Variants in SYNPO2L observed in about 807,000 individuals in gnomAD.
SYNPO2L encodes synaptopodin 2 like, also known as synaptopodin 2-like protein.
A neutral mutation model predicts 47.5 loss-of-function variants in SYNPO2L; 34 were observed. The ratio of observed to expected loss-of-function variants is 0.72; its 90% CI spans 0.54 to 0.95. SYNPO2L has a LOEUF of 0.95. SYNPO2L is among the 40% of genes least tolerant of loss of function. The probability of loss-of-function intolerance (pLI) is 0.00; values close to 1 mark genes in which losing one functional copy is unlikely to be tolerated. For missense variants in SYNPO2L, 1,246 were observed against 1,282.0 expected (o/e 0.97, Z 0.43); for synonymous variants, 536 against 524.9 (o/e 1.02, Z -0.29).
Position 73,647,928 on chromosome 10 carries a change from G to A in SYNPO2L, c.1724C>T (p.Ala575Val). ...GAAGATAGAAGCGGTGGAGGTCATG[G>A]CAGCTGCGCTAGGAGGAGCGGGGGG... is the stretch of plus-strand genomic sequence containing the variant. ...PEPPAPPSAA[A>V]MTSTASIFLS... Residue 575 changes from alanine to valine, a missense_variant, in exon 4 of 4, where the codon GCC becomes GTC. Transcript: ENST00000394810. 5.2e-6 allele frequency: 8 copies of A among 1,529,130 alleles called. No homozygotes were observed. Among genetic ancestry groups the A allele is most frequent in the Non-Finnish European group, 6.1e-6 (7 of 1,141,414 alleles). The allele number at this position is 1,529,130 out of a possible 1,614,324, so 94.7% of individuals were successfully genotyped here. A position where few individuals can be genotyped will look rare whatever the true frequency, so the allele number is the denominator to read the frequency against.
Position 73,647,811 on chromosome 10 carries a change from A to T in SYNPO2L, c.1841T>A (p.Ile614Asn). Reference protein sequence around the residue: ...PEPPSAREQRISVPAARTGIL... With the variant: ...PEPPSAREQRNSVPAARTGIL... ...ACCCGTGCGGGCAGCTGGCACAGAG[A>T]TGCGCTGCTCGCGAGCGCTGGGGGG... The change falls in exon 4 of 4, where the codon ATC becomes AAC. Residue 614 changes from isoleucine to asparagine, a missense_variant. Coordinates refer to ENST00000394810, the MANE Select transcript of SYNPO2L (RefSeq NM_001114133.3). 1 of 1,600,686 alleles carries T rather than the reference A, an allele frequency of 6.2e-7. No individual in the cohort carries two copies. The highest frequency in any genetic ancestry group is 8.5e-7 in the Non-Finnish European group (1 of 1,172,278).
Position 73,648,667 on chromosome 10 carries a change from G to A in SYNPO2L, c.985C>T (p.Pro329Ser), listed in dbSNP as rs539614829. 3 of 1,610,740 alleles carry A rather than the reference G, an allele frequency of 1.9e-6. No homozygotes were observed. The South Asian group carries it at 3.3e-5, about 18-fold the overall frequency. Residue 329 changes from proline to serine, a missense_variant, in exon 4 of 4, where the codon CCC (proline) becomes TCC (serine). Physicochemically the swap from Pro to Ser is moderately conservative, Grantham distance 74. Around this residue, in one of 3 missense-constraint regions of SYNPO2L, gnomAD observed 1,037 missense variants for 1,021.5 expected, o/e 1.02. Coordinates refer to ENST00000394810, the MANE Select transcript of SYNPO2L (RefSeq NM_001114133.3). The stretch of plus-strand genomic sequence containing the variant: ...TCGTCCAGCTCGGACTCACTCGTGG[G>A]GGGAACGCCGTCCTCCTCCTCAGCG... ...TGAEEEDGVP[P>S]TSESELDEEA...
In SYNPO2L at chr10:73,653,457, C is replaced by T. The variant is rs1333317024; in HGVS notation, c.454G>A (p.Glu152Lys). 6.4e-7 allele frequency: 1 copy of T among 1,551,418 alleles called. No individual in the cohort carries two copies. Among genetic ancestry groups the T allele is most frequent in the Non-Finnish European group, 8.7e-7 (1 of 1,146,874 alleles). The part of the protein sequence containing the change: ...DSDADGPATQ[E>K]KPRRPRRRGP... ...CGGCGGCGAGGTCGACGGGGCTTCT[C>T]CTGGGTGGCAGGGCCATCAGCATCA... The change falls in exon 3 of 4, where the codon GAG becomes AAG. Residue 152 changes from glutamate (E) to lysine (K), a missense_variant. Physicochemically the swap from Glu to Lys is moderately conservative, Grantham distance 56. Coordinates refer to ENST00000394810, the MANE Select transcript of SYNPO2L (RefSeq NM_001114133.3).
chr10:73,655,994 C>T lies in SYNPO2L; in HGVS notation c.-72G>A, dbSNP rs1353421142. The stretch of plus-strand genomic sequence containing the variant: ...GAGAGAAGTTGAGGTGCTCGAACCC[C>T]GTCTGGGCTTCCTGTCCGGCTGTCC... On this transcript the variant is annotated 5_prime_UTR_variant, in exon 1 of 4. Transcript: ENST00000394810. 1.2e-5 allele frequency: 16 copies of T among 1,329,532 alleles called. No individual in the cohort carries two copies. Among genetic ancestry groups the T allele is most frequent in the South Asian group, 4.3e-5 (3 of 69,898 alleles). The allele number at this position is 1,329,532 out of a possible 1,614,324, so 82.4% of individuals were successfully genotyped here. A position where few individuals can be genotyped will look rare whatever the true frequency, so the allele number is the denominator to read the frequency against.
chr10:73,645,112 G>C lies in SYNPO2L; in HGVS notation c.*1606C>G, dbSNP rs553506857. 7.9e-5 allele frequency: 97 copies of C among 1,233,042 alleles called. No individual in the cohort carries two copies. In the South Asian group the frequency reaches 1.3e-3, roughly 17 times the overall value. 76.4% of individuals were successfully genotyped at this position (1,233,042 alleles called of 1,614,324 possible). A position where few individuals can be genotyped will look rare whatever the true frequency, so the allele number is the denominator to read the frequency against. Reference sequence around the variant, plus strand: ...GACTGAAAGGAGGTTTTGGCTCTGGGTATTTCCCTACTCTTTCCCAGGCAG... The same window carrying C: ...GACTGAAAGGAGGTTTTGGCTCTGGCTATTTCCCTACTCTTTCCCAGGCAG... On this transcript the variant is annotated 3_prime_UTR_variant, in exon 4 of 4. Transcript: ENST00000394810.
chr10:73,653,998 G>T, intron 2 of SYNPO2L, 131 bp downstream of exon 2: 3 of 1,212,876 alleles, frequency 2.5e-6, no homozygotes, highest in Non-Finnish European at 3.4e-6. Context: ...CAAACCATCT[G>T]CACTCCAGCA....
Position 73,648,748 on chromosome 10 carries a change from G to A in SYNPO2L, c.904C>T (p.Arg302Trp), listed in dbSNP as rs1276581493. ...AGGGTGTACTTCTTGGCTCTCTGCC[G>A]CCGTTTCTTAAACATAAGTACCCCT... Reference protein sequence around the residue: ...SKGVLMFKKRRQRAKKYTLVS... With the variant: ...SKGVLMFKKRWQRAKKYTLVS... The change falls in exon 4 of 4, where the codon CGG (arginine) becomes TGG (tryptophan). Residue 302 changes from arginine to tryptophan, a missense_variant. By Grantham distance (101) the Arg-to-Trp change is moderately radical (BLOSUM62 -3). Transcript: ENST00000394810. The A allele has an allele frequency of 1.2e-6, 2 of 1,612,152 alleles. No homozygotes were observed. The highest frequency in any genetic ancestry group is 1.3e-5 in the African/African-American group (1 of 74,912).
At chr10:73,648,926 T>G (rs1168086186) in intron 3 of SYNPO2L, 47 bp from the exon 4 acceptor site, 1 of 1,457,196 alleles carries the variant, frequency 6.9e-7, no homozygotes, top group African/African-American at 1.4e-5. Flanking sequence ...TCCCAGCCTC[T>G]TTTAGTCCTG....
At position 73,646,860 on chromosome 10, in the gene SYNPO2L, C is replaced by T; in HGVS notation, c.2792G>A (p.Ser931Asn). The T allele has an allele frequency of 6.4e-7, 1 of 1,554,766 alleles. No individual in the cohort carries two copies. The highest frequency in any genetic ancestry group is 1.2e-5 in the South Asian group (1 of 81,900). Residue 931 changes from serine to asparagine, a missense_variant, in exon 4 of 4, where the codon AGC becomes AAC. By Grantham distance (46) the Ser-to-Asn change is conservative. Coordinates refer to ENST00000394810, the MANE Select transcript of SYNPO2L (RefSeq NM_001114133.3). ...GGGAGCCTCTGGAGGAGGGGCTGGGCTAGGAACAGGGGCTGAGGCCAGTTC... is the reference window on the plus strand; with the variant it reads ...GGGAGCCTCTGGAGGAGGGGCTGGGTTAGGAACAGGGGCTGAGGCCAGTTC... ...RTELASAPVPSPAPPPEAPRG... is the reference protein window; with the variant it reads ...RTELASAPVPNPAPPPEAPRG...
At position 73,648,789 on chromosome 10, in the gene SYNPO2L, G is replaced by A. The variant is rs2081811248; in HGVS notation, c.863C>T (p.Pro288Leu). ...RTIASLLTAA[P>L]NPHSKGVLMF... ...AAGTACCCCTTTGGAGTGGGGGTTG[G>A]GGGCTGCAGTGAGCAGGGATGCAAT... Residue 288 changes from proline (P) to leucine (L), a missense_variant, in exon 4 of 4, where the codon CCC (proline) becomes CTC (leucine). Pro to Leu is a moderately conservative substitution (Grantham distance 98). Coordinates refer to ENST00000394810, the MANE Select transcript of SYNPO2L (RefSeq NM_001114133.3). 6.2e-7 allele frequency: 1 copy of A among 1,604,828 alleles called. No individual in the cohort carries two copies. Among genetic ancestry groups the A allele is most frequent in the Non-Finnish European group, 8.5e-7 (1 of 1,174,910 alleles).
At position 73,646,450 on chromosome 10, in the gene SYNPO2L, G is replaced by C; in HGVS notation, c.*268C>G. 1 of 1,176,076 alleles carries C rather than the reference G, an allele frequency of 8.5e-7. No homozygotes were observed. Among genetic ancestry groups the C allele is most frequent in the South Asian group, 4.2e-5 (1 of 23,646 alleles). 72.9% of individuals were successfully genotyped at this position (1,176,076 alleles called of 1,614,324 possible). On this transcript the variant is annotated 3_prime_UTR_variant, in exon 4 of 4. Transcript: ENST00000394810. Reference sequence around the variant, plus strand: ...AGATCTGTGGAGGAATATGGGTGGAGAAGCCTGGAAATAAAGACAGAGATC... The same window carrying C: ...AGATCTGTGGAGGAATATGGGTGGACAAGCCTGGAAATAAAGACAGAGATC...
intron 3 of SYNPO2L, among the ~76,000 whole-genome samples, chr10:73,652,834 A>T (rs2081852007): frequency 6.6e-6 from 1 of 152,122 alleles, no homozygotes; most frequent in Non-Finnish European, 1.5e-5. Flanking sequence ...TCACCCAATC[A>T]TGACACACAA....
intron 3 of SYNPO2L, among the ~76,000 whole-genome samples, chr10:73,652,866 A>G (rs1231051356): frequency 6.6e-6 from 1 of 151,902 alleles, no homozygotes; most frequent in Admixed American, 6.6e-5. Flanking sequence ...ACCACCACCA[A>G]ACCCTTCATC....
rs992645136 is a variant in SYNPO2L at position 73,644,983 on chromosome 10, G to A, written c.*1735C>T. 6.5e-6 allele frequency: 8 copies of A among 1,239,248 alleles called. No individual in the cohort carries two copies. The highest frequency in any genetic ancestry group is 2.9e-5 in the South Asian group (2 of 70,156). The allele number at this position is 1,239,248 out of a possible 1,614,324, so 76.8% of individuals were successfully genotyped here. ...TCACTTTCCAGATTACACAGCAAAC[G>A]TAGCTGGTGGTGGTCTTGGTGAGAA... On this transcript the variant is annotated 3_prime_UTR_variant, in exon 4 of 4. Coordinates refer to ENST00000394810, the MANE Select transcript of SYNPO2L (RefSeq NM_001114133.3).
intron 3 of SYNPO2L, chr10:73,651,059 C>G (rs776517944): frequency 1.3e-6 from 2 of 1,565,804 alleles, no homozygotes; most frequent in Non-Finnish European, 1.7e-6. Context: ...CCACCCCCCA[C>G]GCCTTTTAAA....
rs1266143993 is a variant in SYNPO2L at position 73,646,495 on chromosome 10, A to T, written c.*223T>A. 1 of 1,233,316 alleles carries T rather than the reference A, an allele frequency of 8.1e-7. No homozygotes were observed. Among genetic ancestry groups the T allele is most frequent in the Non-Finnish European group, 1.0e-6 (1 of 989,130 alleles). 76.4% of individuals were successfully genotyped at this position (1,233,316 alleles called of 1,614,324 possible). On this transcript the variant is annotated 3_prime_UTR_variant, in exon 4 of 4. Coordinates refer to ENST00000394810, the MANE Select transcript of SYNPO2L (RefSeq NM_001114133.3). ...GAGATCCAGGAAAGGAAATGCAGAG[A>T]CAAAGAGAGGCAAAGATACCAAAGC...
intron 3 of SYNPO2L, chr10:73,649,628 T>A (rs948765760): frequency 4.2e-6 from 3 of 705,922 alleles, no homozygotes; most frequent in Non-Finnish European, 5.2e-6. Flanking sequence ...TAAATACACA[T>A]GTGTGCACAT....
intron 3 of SYNPO2L, 54 bp from the exon 4 acceptor site, chr10:73,648,933 C>A: frequency 6.9e-7 from 1 of 1,445,790 alleles, no homozygotes; most frequent in African/African-American, 1.4e-5. Flanking sequence ...CTCTTTTAGT[C>A]CTGTTCCCCA....
In SYNPO2L at chr10:73,650,855, A is replaced by G. The variant is rs1049386215; in HGVS notation, c.773-1976T>C. 6 of 1,520,920 alleles carry G rather than the reference A, an allele frequency of 3.9e-6. No individual in the cohort carries two copies. The East Asian group carries it at 9.5e-5, about 24-fold the overall frequency. 94.2% of individuals were successfully genotyped at this position (1,520,920 alleles called of 1,614,324 possible). On this transcript the variant is annotated intron_variant, in intron 3 of 3. Coordinates refer to ENST00000394810, the MANE Select transcript of SYNPO2L (RefSeq NM_001114133.3). ...AGACTACCCTTCCTAAACTATTGACATCTTCCCCTCCATTCTAGACCCCAG... is the reference window on the plus strand; with the variant it reads ...AGACTACCCTTCCTAAACTATTGACGTCTTCCCCTCCATTCTAGACCCCAG...
Sources: allele counts gnomAD v4.1 joint callset (sites outside exome capture counted in the v4.1 genomes callset), GRCh38; gene constraint gnomAD v4.1.1; regional missense constraint gnomAD v4.1.1; transcripts MANE v1.5; gene names NCBI Gene and HGNC (gene_info 2026-07-23, HGNC 2026-07-21).